Variants in CDK14 observed in about 807,000 individuals in gnomAD.
The protein encoded by CDK14 is cyclin-dependent kinase 14.
Under a neutral mutation model 60.7 loss-of-function variants are expected in CDK14, and 34 were observed. The observed-to-expected ratio is 0.56, with a 90% CI of 0.43 to 0.75. CDK14 has a LOEUF of 0.75. Ranked by LOEUF, CDK14 falls within the 30% of genes least tolerant of loss-of-function variation. The pLI, the probability that CDK14 is intolerant of heterozygous loss-of-function variation, is 0.00. For missense variants in CDK14, 482 were observed against 564.1 expected, an observed-to-expected ratio of 0.85 and a Z score of 1.47; for synonymous variants, 197 against 203.7, an observed-to-expected ratio of 0.97 and a Z score of 0.28.
intron 10 of CDK14, among the ~76,000 whole-genome samples, chr7:91,033,540 T>A (rs1315269056): frequency 6.6e-6 from 1 of 152,192 alleles, no homozygotes; most frequent in African/African-American, 2.4e-5. Flanking sequence ...TAGATTCTGA[T>A]TCAGCAGGGA....
At chr7:91,198,053 T>A (rs1802604301) in intron 14 of CDK14, among the ~76,000 whole-genome samples, 1 of 152,198 alleles carries the variant, frequency 6.6e-6, no homozygotes, top group Admixed American at 6.5e-5. Context: ...CCCGCCACCC[T>A]TAGCTTGGAG....
At chr7:90,831,240 G>C (rs1424554357) in intron 5 of CDK14, among the ~76,000 whole-genome samples, 4 of 152,172 alleles carry the variant, frequency 2.6e-5, no homozygotes, top group African/African-American at 9.7e-5. Flanking sequence ...AGTTCAGCAA[G>C]GGTGGGGAGG....
intron 4 of CDK14, among the ~76,000 whole-genome samples, chr7:90,752,171 A>G (rs1803872303): frequency 6.6e-6 from 1 of 152,154 alleles, no homozygotes; most frequent in Non-Finnish European, 1.5e-5. Flanking sequence ...CTGACCAACT[A>G]GACCTAATAG....
At chr7:90,671,390 G>A (rs1038008350) in intron 2 of CDK14, among the ~76,000 whole-genome samples, 1 of 151,852 alleles carries the variant, frequency 6.6e-6, no homozygotes, top group Admixed American at 6.6e-5. Context: ...CTTGAATAAG[G>A]TTATCAGAAG....
At chr7:90,999,712 G>A (rs1795789449) in intron 10 of CDK14, among the ~76,000 whole-genome samples, 3 of 152,114 alleles carry the variant, frequency 2.0e-5, no homozygotes, top group Admixed American at 6.5e-5. Context: ...GGCAGCATTC[G>A]CTTATTTGAG....
intron 5 of CDK14, among the ~76,000 whole-genome samples, chr7:90,800,485 C>T (rs2117001479): frequency 6.7e-6 from 1 of 148,656 alleles, no homozygotes; most frequent in East Asian, 1.9e-4. Flanking sequence ...TTAATTGAGT[C>T]ATTAAAATTT....
At chr7:91,057,691 G>T (rs1254615456) in intron 11 of CDK14, among the ~76,000 whole-genome samples, 1 of 152,116 alleles carries the variant, frequency 6.6e-6, no homozygotes, top group Non-Finnish European at 1.5e-5. Flanking sequence ...CTTTTTGTCA[G>T]GTTTGTCAAA....
intron 11 of CDK14, among the ~76,000 whole-genome samples, chr7:91,048,141 C>T (rs1477157665): frequency 6.6e-6 from 1 of 152,094 alleles, no homozygotes; most frequent in Non-Finnish European, 1.5e-5. Context: ...AGTGCAGAGC[C>T]ACCTCCCCTC....
chr7:90,641,509 A>C (rs1042250669), intron 2 of CDK14, among the ~76,000 whole-genome samples: 2 of 152,234 alleles, frequency 1.3e-5, no homozygotes, highest in African/African-American at 4.8e-5. Flanking sequence ...GTTAAGTGAA[A>C]GAAGCTAGTC....
chr7:90,612,744 C>G (rs1009301282), intron 2 of CDK14, among the ~76,000 whole-genome samples: 1 of 142,346 alleles, frequency 7.0e-6, no homozygotes, highest in African/African-American at 2.7e-5. Flanking sequence ...TGCACTCCAG[C>G]CCGGGTGACA....
intron 11 of CDK14, among the ~76,000 whole-genome samples, chr7:91,074,628 A>G (rs1798242541): frequency 6.6e-6 from 1 of 152,230 alleles, no homozygotes; most frequent in South Asian, 2.1e-4. Flanking sequence ...AAGCTAGCAG[A>G]AGACAAGAAA....
chr7:90,883,844 A>G (rs1364189643), intron 6 of CDK14, among the ~76,000 whole-genome samples: 1 of 152,222 alleles, frequency 6.6e-6, no homozygotes, highest in East Asian at 1.9e-4. Flanking sequence ...AAACCAAATG[A>G]TTATCTCAAT....
intron 10 of CDK14, among the ~76,000 whole-genome samples, chr7:91,039,121 G>A (rs768404309): frequency 6.6e-5 from 10 of 152,104 alleles, no homozygotes; most frequent in East Asian, 1.9e-4. Flanking sequence ...CTTGACAAGC[G>A]CCCAGTCACT....
At position 90,964,540 on chromosome 7, in the gene CDK14, G is replaced by C. The variant is rs556176702; in HGVS notation, c.947+8723G>C. Reference sequence around the variant, plus strand: ...CCACAGCAATAACAATAGAAAAACAGTGATCTTCTGCCTCATCCATACCCA... The same window carrying C: ...CCACAGCAATAACAATAGAAAAACACTGATCTTCTGCCTCATCCATACCCA... On this transcript the variant is annotated intron_variant, in intron 9 of 14. Transcript: ENST00000380050. Among the ~76,000 whole-genome samples, 140 of 152,248 alleles carry C rather than the reference G, an allele frequency of 9.2e-4. 2 individuals carry two copies. The highest frequency in any genetic ancestry group is 1.1e-3 in the Non-Finnish European group (77 of 68,028).
At chr7:90,820,557 A>G (rs1057513437) in intron 5 of CDK14, among the ~76,000 whole-genome samples, 3 of 152,120 alleles carry the variant, frequency 2.0e-5, no homozygotes, top group Admixed American at 1.3e-4. Context: ...ACCTTCCGCC[A>G]TGACTGTAAG....
intron 6 of CDK14, among the ~76,000 whole-genome samples, chr7:90,879,866 G>A (rs1331828496): frequency 6.6e-6 from 1 of 151,778 alleles, no homozygotes; most frequent in South Asian, 2.1e-4. Context: ...AAAGCAACAC[G>A]GGAAAGGGGA....
At chr7:90,803,736 T>C (rs1429474863) in intron 5 of CDK14, among the ~76,000 whole-genome samples, 1 of 152,176 alleles carries the variant, frequency 6.6e-6, no homozygotes, top group Non-Finnish European at 1.5e-5. Flanking sequence ...CATATTCGAG[T>C]ATATGATCTA....
In CDK14 at chr7:91,158,363, C is replaced by T. The variant is rs537995179; in HGVS notation, c.*28+40155C>T. On this transcript the variant is annotated intron_variant, in intron 14 of 14. Coordinates refer to ENST00000380050, the MANE Select transcript of CDK14 (RefSeq NM_001287135.2). Reference sequence around the variant, plus strand: ...GAGTAGCTAGAACTACAGGCACATGCTATCATGCCCAGCTAATTTTTCTTT... The same window carrying T: ...GAGTAGCTAGAACTACAGGCACATGTTATCATGCCCAGCTAATTTTTCTTT... Among the ~76,000 whole-genome samples, 28 of 152,024 alleles carry T rather than the reference C, an allele frequency of 1.8e-4. No individual in the cohort carries two copies. In the South Asian group the frequency reaches 3.7e-3, roughly 20 times the overall value.
chr7:91,184,846 G>A (rs1383083896), intron 14 of CDK14, among the ~76,000 whole-genome samples: 1 of 151,908 alleles, frequency 6.6e-6, no homozygotes, highest in Admixed American at 6.6e-5. Flanking sequence ...GTATGCAGTT[G>A]GGGGCAGGGG....
Sources: allele counts gnomAD v4.1 joint callset (sites outside exome capture counted in the v4.1 genomes callset), GRCh38; gene constraint gnomAD v4.1.1; transcripts MANE v1.5; gene names NCBI Gene and HGNC (gene_info 2026-07-23, HGNC 2026-07-21).